GRM3: variants seen among roughly 807,000 people sequenced by gnomAD.
GRM3 encodes glutamate metabotropic receptor 3.
Under a neutral mutation model 70.5 loss-of-function variants are expected in GRM3, and 26 were observed. That is an observed-to-expected ratio of 0.37 (90% CI 0.27 to 0.51). GRM3 has a LOEUF of 0.51. Ranked by LOEUF, GRM3 falls within the 20% of genes least tolerant of loss-of-function variation. GRM3 has a pLI of 0.93. For missense variants in GRM3, 859 were observed against 1,123.8 expected, an observed-to-expected ratio of 0.76 and a Z score of 3.37; for synonymous variants, 443 against 434.9, an observed-to-expected ratio of 1.02 and a Z score of -0.23.
At chr7:86,708,219 C>T (rs1190008009) in intron 1 of GRM3, among the ~76,000 whole-genome samples, 1 of 152,140 alleles carries the variant, frequency 6.6e-6, no homozygotes, top group Non-Finnish European at 1.5e-5. Flanking sequence ...CATAAGCCCC[C>T]TTCTTGACAC....
At chr7:86,649,903 CAT>C (rs545416703) in intron 1 of GRM3, among the ~76,000 whole-genome samples, 15 of 152,122 alleles carry the variant, frequency 9.9e-5, no homozygotes, top group South Asian at 2.1e-4. Context: ...GTTTCACAAA[CAT>C]GTGTAAAGTT....
intron 1 of GRM3, among the ~76,000 whole-genome samples, chr7:86,651,216 C>A (rs543972455): frequency 6.6e-6 from 1 of 152,168 alleles, no homozygotes; most frequent in Admixed American, 6.5e-5. Flanking sequence ...TTTCACACAA[C>A]CAAAGGGCTG....
At chr7:86,774,522 G>A (rs890619134) in intron 2 of GRM3, among the ~76,000 whole-genome samples, 3 of 152,006 alleles carry the variant, frequency 2.0e-5, no homozygotes, top group Non-Finnish European at 4.4e-5. Context: ...CCAACACTTT[G>A]GCTTCACATT....
intron 3 of GRM3, among the ~76,000 whole-genome samples, chr7:86,788,012 T>C (rs1379920322): frequency 1.3e-5 from 2 of 152,200 alleles, no homozygotes; most frequent in Non-Finnish European, 2.9e-5. Flanking sequence ...TAATCCCAAA[T>C]CATAAAATAT....
In GRM3 at chr7:86,843,439, C is replaced by A. The variant is rs192181369; in HGVS notation, c.2391+3534C>A. On this transcript the variant is annotated intron_variant, in intron 4 of 5. Transcript: ENST00000361669. ...GCTCTTATAGGAATTCAATACAGAG[C>A]AAACAAGGAATTCAGTCAGAAAAAA... Among the ~76,000 whole-genome samples the A allele has an allele frequency of 2.0e-5, 3 of 152,210 alleles. No individual in the cohort carries two copies. In the East Asian group the frequency reaches 5.8e-4, roughly 29 times the overall value.
intron 3 of GRM3, among the ~76,000 whole-genome samples, chr7:86,817,858 C>T (rs1217709831): frequency 6.6e-6 from 1 of 151,954 alleles, no homozygotes; most frequent in Non-Finnish European, 1.5e-5. Flanking sequence ...CTAAATCTAT[C>T]CAGAAGCAAC....
rs777791979 is a variant in GRM3 at position 86,850,512 on chromosome 7, G to A, written c.2534G>A (p.Ser845Asn). ...VTHRLHLNRFSVSGTGTTYSQ... is the reference protein window; with the variant it reads ...VTHRLHLNRFNVSGTGTTYSQ... ...CACAGACTGCACCTCAACAGGTTCAGTGTCAGTGGAACTGGGACCACATAC... is the reference window on the plus strand; with the variant it reads ...CACAGACTGCACCTCAACAGGTTCAATGTCAGTGGAACTGGGACCACATAC... Residue 845 changes from serine to asparagine, a missense_variant, in exon 5 of 6, where the codon AGT becomes AAT. Transcript: ENST00000361669. 2 of 1,611,544 alleles carry A rather than the reference G, an allele frequency of 1.2e-6. No homozygotes were observed. The highest frequency in any genetic ancestry group is 2.7e-5 in the African/African-American group (2 of 74,826).
chr7:86,847,887 T>A, intron 4 of GRM3, among the ~76,000 whole-genome samples: 1 of 152,252 alleles, frequency 6.6e-6, no homozygotes, highest in South Asian at 2.1e-4. Flanking sequence ...TAAAAGCTAT[T>A]TCAATTTTAT....
intron 4 of GRM3, among the ~76,000 whole-genome samples, chr7:86,846,445 C>A (rs1798657238): frequency 6.6e-6 from 1 of 152,154 alleles, no homozygotes; most frequent in Admixed American, 6.5e-5. Context: ...CTCTCTCTCT[C>A]AATGCTCAGT....
intron 1 of GRM3, among the ~76,000 whole-genome samples, chr7:86,739,525 C>T (rs1161042945): frequency 6.6e-6 from 1 of 152,140 alleles, no homozygotes; most frequent in East Asian, 1.9e-4. Context: ...TTACCTCTAC[C>T]TGAAGGGAAT....
chr7:86,760,425 A>T (rs1046936312), intron 1 of GRM3, among the ~76,000 whole-genome samples: 1 of 152,126 alleles, frequency 6.6e-6, no homozygotes, highest in African/African-American at 2.4e-5. Flanking sequence ...CGCATCACTC[A>T]TCATCCCCGA....
At chr7:86,740,883 C>T (rs746138314) in intron 1 of GRM3, among the ~76,000 whole-genome samples, 8 of 152,148 alleles carry the variant, frequency 5.3e-5, no homozygotes, top group South Asian at 2.1e-4. Context: ...CTGTGGTAGT[C>T]TATTACTTAG....
rs761835353 is a variant in GRM3 at position 86,839,349 on chromosome 7, G to A, written c.1835G>A (p.Arg612Gln). The A allele has an allele frequency of 2.2e-5, 35 of 1,613,834 alleles. No individual in the cohort carries two copies. Among genetic ancestry groups the A allele is most frequent in the Middle Eastern group, 1.6e-4 (1 of 6,082 alleles). Residue 612 changes from arginine (R) to glutamine (Q), a missense_variant, in exon 4 of 6, where the codon CGA becomes CAA. By Grantham distance (43) the Arg-to-Gln change is conservative. Transcript: ENST00000361669. This position sits in a 1 kb window ranked among gnomAD's most constrained non-coding sequence, Gnocchi z 4.5. Reference protein sequence around the residue: ...NNTPLVKASGRELCYILLFGV... With the variant: ...NNTPLVKASGQELCYILLFGV... The stretch of plus-strand genomic sequence containing the variant: ...ACACCCTTGGTCAAAGCATCGGGCC[G>A]AGAACTCTGCTACATCTTATTGTTT...
intron 1 of GRM3, among the ~76,000 whole-genome samples, chr7:86,684,051 G>A (rs2115984158): frequency 1.3e-5 from 2 of 151,348 alleles, no homozygotes; most frequent in South Asian, 2.1e-4. Flanking sequence ...ATTTGCTGGG[G>A]ATTTTTTTTT....
rs142858617 is a variant in GRM3, at chr7:86,857,701, A to T, written c.2567-6581A>T. 4.2e-3 allele frequency among the ~76,000 whole-genome samples: 638 copies of T among 152,304 alleles called. 6 individuals carry two copies. Among genetic ancestry groups the T allele is most frequent in the African/African-American group, 0.015 (615 of 41,572 alleles). ...CTAGGCATAGTAGCACATGCAACTC[A>T]TATTAGTTATCTGAGCCTCAGGGTG... On this transcript the variant is annotated intron_variant, in intron 5 of 5. Coordinates refer to ENST00000361669, the MANE Select transcript of GRM3 (RefSeq NM_000840.3).
intron 1 of GRM3, among the ~76,000 whole-genome samples, chr7:86,653,101 C>G (rs1414235138): frequency 6.6e-6 from 1 of 152,216 alleles, no homozygotes; most frequent in African/African-American, 2.4e-5. Flanking sequence ...ATAGCAGATT[C>G]AGTTCCTGGT....
intron 1 of GRM3, among the ~76,000 whole-genome samples, chr7:86,755,958 G>C (rs1280123897): frequency 6.6e-6 from 1 of 152,120 alleles, no homozygotes; most frequent in African/African-American, 2.4e-5. Flanking sequence ...ATTTTCTTCT[G>C]TATTAACCCA....
At chr7:86,818,693 T>C (rs915422842) in intron 3 of GRM3, among the ~76,000 whole-genome samples, 1 of 152,128 alleles carries the variant, frequency 6.6e-6, no homozygotes, top group African/African-American at 2.4e-5. Context: ...AGACTAAAGA[T>C]ATTATTAAGT....
intron 1 of GRM3, among the ~76,000 whole-genome samples, chr7:86,678,114 T>C (rs1034757217): frequency 6.6e-6 from 1 of 151,990 alleles, no homozygotes; most frequent in Non-Finnish European, 1.5e-5. Context: ...CTTTAAAAAA[T>C]ATACCTGCAT....
Sources: gnomAD v4.1 joint callset for allele counts (sites outside exome capture counted in the v4.1 genomes callset) on GRCh38, gnomAD v4.1.1 for gene constraint, Gnocchi (gnomAD v3.1) non-coding constraint, MANE v1.5 for transcripts, NCBI Gene and HGNC (gene_info 2026-07-23, HGNC 2026-07-21) for gene names.